Variants in ACSM4 observed in about 807,000 individuals in gnomAD.
ACSM4 encodes the protein acyl-coenzyme A synthetase ACSM4, mitochondrial.
ACSM4 carries 66 observed loss-of-function variants against 73.0 expected under a neutral mutation model. That is an observed-to-expected ratio of 0.90 (90% CI 0.74 to 1.11). ACSM4 has a LOEUF of 1.11. Among genes scored for constraint, ACSM4 ranks in the 50% least tolerant of loss-of-function variants. ACSM4 has a pLI of 0.00. For missense variants in ACSM4, 645 were observed against 714.4 expected (o/e 0.90, Z 1.11); for synonymous variants, 222 against 254.0 (o/e 0.87, Z 1.20).
chr12:7,315,012 A>C (rs1395809347), intron 3 of ACSM4, among the ~76,000 whole-genome samples: 1 of 152,106 alleles, frequency 6.6e-6, no homozygotes, highest in African/African-American at 2.4e-5. Flanking sequence ...TCTGGCTGAC[A>C]TGGTGAAACC....
intron 3 of ACSM4, among the ~76,000 whole-genome samples, chr12:7,315,809 A>C (rs1044124181): frequency 1.3e-5 from 2 of 152,116 alleles, no homozygotes; most frequent in Admixed American, 1.3e-4. Flanking sequence ...TCTCTGCTCC[A>C]CATCAGCCTG....
chr12:7,312,583 C>G (rs1238506217), intron 3 of ACSM4, among the ~76,000 whole-genome samples: 1 of 152,126 alleles, frequency 6.6e-6, no homozygotes, highest in African/African-American at 2.4e-5. Context: ...TGGCCAATCC[C>G]AAGGGCCACA....
At chr12:7,316,000 G>A (rs999198149) in intron 3 of ACSM4, among the ~76,000 whole-genome samples, 3 of 152,134 alleles carry the variant, frequency 2.0e-5, no homozygotes, top group Non-Finnish European at 2.9e-5. Flanking sequence ...GGCCTAGGCT[G>A]AGAAGTCCCA....
intron 1 of ACSM4, 64 bp downstream of exon 1, chr12:7,304,596 T>C (rs72653463): frequency 0.061 from 93,369 of 1,528,140 alleles, 4,763 homozygotes; most frequent in East Asian, 0.31. Context: ...TTCCATTTCC[T>C]TGTTCTGTGG....
chr12:7,325,091 A>C (rs1946494164), intron 11 of ACSM4, among the ~76,000 whole-genome samples: 1 of 152,210 alleles, frequency 6.6e-6, no homozygotes, highest in African/African-American at 2.4e-5. Context: ...TCAAGACTTC[A>C]TTTGCCTACC....
At chr12:7,307,240 C>A (rs946198836) in intron 2 of ACSM4, among the ~76,000 whole-genome samples, 4 of 152,174 alleles carry the variant, frequency 2.6e-5, no homozygotes, top group Admixed American at 6.5e-5. Flanking sequence ...GGCAACAGTG[C>A]AGGACTCTGT....
Position 7,323,441 on chromosome 12 carries a change from T to C in ACSM4, c.1207-18T>C. 1 of 1,612,214 alleles carries C rather than the reference T, an allele frequency of 6.2e-7. No individual in the cohort carries two copies. The highest frequency in any genetic ancestry group is 8.5e-7 in the Non-Finnish European group (1 of 1,178,476). On this transcript the variant is annotated intron_variant, in intron 8 of 12. Coordinates refer to ENST00000399422, the MANE Select transcript of ACSM4 (RefSeq NM_001080454.2). ...GAAAAGAAAATTTTAAGACCATCAA[T>C]TATTTCTTTCATTCCAGATTATAGA... is the stretch of plus-strand genomic sequence containing the variant.
At chr12:7,322,654 C>A in intron 7 of ACSM4, 113 bp downstream of exon 7, 2 of 1,354,394 alleles carry the variant, frequency 1.5e-6, no homozygotes, top group East Asian at 2.5e-5. Context: ...TAGAGTTTCC[C>A]GGGATACCTC....
At chr12:7,310,400 T>C (rs1757835498) in intron 2 of ACSM4, 139 bp from the exon 3 acceptor site, 1 of 793,468 alleles carries the variant, frequency 1.3e-6, no homozygotes, top group Admixed American at 2.3e-5. Context: ...TCCTGTGCAA[T>C]ATCCTTGGGC....
chr12:7,325,464 T>C (rs1946496787), intron 11 of ACSM4, among the ~76,000 whole-genome samples: 1 of 152,182 alleles, frequency 6.6e-6, no homozygotes, highest in Non-Finnish European at 1.5e-5. Context: ...CTGGCCAACA[T>C]GGTGAAACCC....
At chr12:7,317,965 C>A in intron 4 of ACSM4, 61 bp from the exon 5 acceptor site, 1 of 1,561,956 alleles carries the variant, frequency 6.4e-7, no homozygotes, top group Admixed American at 1.8e-5. Context: ...TGAAAGATAC[C>A]AGTTTGTAAT....
At chr12:7,327,728 A>G (rs1294959946) in intron 12 of ACSM4, among the ~76,000 whole-genome samples, 1 of 152,138 alleles carries the variant, frequency 6.6e-6, no homozygotes, top group Non-Finnish European at 1.5e-5. Flanking sequence ...TCTCCATTAA[A>G]TTCACTAAAT....
chr12:7,317,952 C>A, intron 4 of ACSM4, 74 bp from the exon 5 acceptor site: 1 of 1,515,990 alleles, frequency 6.6e-7, no homozygotes, highest in Non-Finnish European at 8.9e-7. Context: ...GCAAAGTCAC[C>A]CCTGAAAGAT....
rs375732457 is a variant in ACSM4 at position 7,317,840 on chromosome 12, C to T, written c.765-186C>T. On this transcript the variant is annotated intron_variant, in intron 4 of 12. Coordinates refer to ENST00000399422, the MANE Select transcript of ACSM4 (RefSeq NM_001080454.2). Reference sequence around the variant, plus strand: ...CCAGCCTCCCACTGTACTCTCAGACCGCCTGGGATTCTGAAAATGCCCTTA... The same window carrying T: ...CCAGCCTCCCACTGTACTCTCAGACTGCCTGGGATTCTGAAAATGCCCTTA... Among the ~76,000 whole-genome samples the T allele has an allele frequency of 1.4e-3, 207 of 152,198 alleles. 1 individual carries two copies. Among genetic ancestry groups the T allele is most frequent in the African/African-American group, 4.1e-3 (171 of 41,530 alleles).
intron 3 of ACSM4, among the ~76,000 whole-genome samples, chr12:7,316,112 A>G (rs148191165): frequency 1.3e-5 from 2 of 152,338 alleles, no homozygotes; most frequent in Non-Finnish European, 2.9e-5. Flanking sequence ...ATGGCATACA[A>G]GGATGATTTG....
chr12:7,324,987 T>C (rs770427561), intron 11 of ACSM4, among the ~76,000 whole-genome samples: 8 of 152,212 alleles, frequency 5.3e-5, no homozygotes, highest in Non-Finnish European at 1.2e-4. Flanking sequence ...TTCTTCCTAC[T>C]TGATAGCAAC....
intron 3 of ACSM4, 76 bp from the exon 4 acceptor site, chr12:7,317,061 T>C (rs1407522361): frequency 2.0e-6 from 3 of 1,502,390 alleles, no homozygotes; most frequent in South Asian, 1.4e-5. Context: ...AGGGCATAAG[T>C]AGTTGAGCAG....
chr12:7,324,633 A>G lies in ACSM4; in HGVS notation c.1536+35A>G, dbSNP rs369894105. 42 of 1,603,630 alleles carry G rather than the reference A, an allele frequency of 2.6e-5. No individual in the cohort carries two copies. In the African/African-American group the frequency reaches 3.9e-4, roughly 15 times the overall value. Reference sequence around the variant, plus strand: ...TGTCATTTATTAAAGAAGCAACATCATATTTTCAAGTTCTGTCCATTTGAC... The same window carrying G: ...TGTCATTTATTAAAGAAGCAACATCGTATTTTCAAGTTCTGTCCATTTGAC... On this transcript the variant is annotated intron_variant, in intron 11 of 12. Coordinates refer to ENST00000399422, the MANE Select transcript of ACSM4 (RefSeq NM_001080454.2).
intron 2 of ACSM4, among the ~76,000 whole-genome samples, chr12:7,309,426 A>G (rs1248778046): frequency 2.0e-5 from 3 of 152,208 alleles, no homozygotes; most frequent in Non-Finnish European, 2.9e-5. Context: ...TAGGATACAC[A>G]TCTTCCCATC....
Sources: allele counts gnomAD v4.1 joint callset (sites outside exome capture counted in the v4.1 genomes callset), GRCh38; gene constraint gnomAD v4.1.1; transcripts MANE v1.5; gene names NCBI Gene and HGNC (gene_info 2026-07-23, HGNC 2026-07-21).